The following CHRM2 variants were observed in gnomAD, a reference collection of about 807,000 sequenced individuals.
The protein encoded by CHRM2 is cholinergic receptor muscarinic 2, also known as muscarinic acetylcholine receptor M2.
CHRM2 carries 8 observed loss-of-function variants against 25.0 expected under a neutral mutation model. The ratio of observed to expected loss-of-function variants is 0.32; its 90% CI spans 0.19 to 0.58. The LOEUF (loss-of-function observed/expected upper bound fraction) is 0.58. CHRM2 is among the 20% of genes least tolerant of loss of function. The pLI is 0.88. For synonymous variants in CHRM2, 202 were observed against 205.7 expected (o/e 0.98, Z 0.15); for missense variants, 440 against 567.1 (o/e 0.78, Z 2.28).
At chr7:136,902,907 C>T in intron 2 of CHRM2, 1 of 343,874 alleles carries the variant, frequency 2.9e-6, no homozygotes, top group South Asian at 2.4e-5. Context: ...TGATAAGGTA[C>T]ACATTATTTG....
intron 2 of CHRM2, among the ~76,000 whole-genome samples, chr7:136,988,332 G>A (rs936120609): frequency 6.6e-6 from 1 of 151,944 alleles, no homozygotes; most frequent in African/African-American, 2.4e-5. Flanking sequence ...GGAAAAAGCT[G>A]CAGGACAGAA....
At chr7:136,892,859 G>A (rs565516447) in intron 2 of CHRM2, among the ~76,000 whole-genome samples, 12 of 151,834 alleles carry the variant, frequency 7.9e-5, no homozygotes, top group South Asian at 2.1e-4. Flanking sequence ...TAGGAGAGAC[G>A]GGATTTCACC....
intron 2 of CHRM2, among the ~76,000 whole-genome samples, chr7:136,872,168 A>C (rs531712784): frequency 6.6e-6 from 1 of 152,252 alleles, no homozygotes; most frequent in South Asian, 2.1e-4. Context: ...AAGATGCTTC[A>C]TTTTCCTATA....
chr7:136,977,996 A>C (rs1306818526), intron 2 of CHRM2, among the ~76,000 whole-genome samples: 2 of 151,896 alleles, frequency 1.3e-5, no homozygotes, highest in Non-Finnish European at 2.9e-5. Context: ...TACTGCATAG[A>C]GAGCCCTTTA....
chr7:136,922,060 C>G (rs893014454), intron 2 of CHRM2, among the ~76,000 whole-genome samples: 3 of 152,174 alleles, frequency 2.0e-5, no homozygotes, highest in Non-Finnish European at 4.4e-5. Context: ...AGCCACTGTG[C>G]CCACCCCATT....
In CHRM2 at chr7:136,969,018, T is replaced by A. The variant is rs563886093; in HGVS notation, c.-124-23169T>A. On this transcript the variant is annotated intron_variant, in intron 2 of 3. Transcript: ENST00000680005. ...TGTGTGAATACTGTATTCAGTTCTA[T>A]GCATAATAATATAGAAACTAAATCA... Among the ~76,000 whole-genome samples, 12 of 152,154 alleles carry A rather than the reference T, an allele frequency of 7.9e-5. No homozygotes were observed. In the East Asian group the frequency reaches 2.1e-3, roughly 27 times the overall value.
Position 136,876,335 on chromosome 7 carries a change from C to A in CHRM2, c.-125+6917C>A, listed in dbSNP as rs796707643. ...TAGAACTTGTTAGGGATACAGATGA[C>A]GTGAGAATAGAGGCCATATTTTATA... On this transcript the variant is annotated intron_variant, in intron 2 of 3. Coordinates refer to ENST00000680005, the MANE Select transcript of CHRM2 (RefSeq NM_001006630.2). Among the ~76,000 whole-genome samples, 80 of 152,080 alleles carry A rather than the reference C, an allele frequency of 5.3e-4. 1 individual carries two copies. The highest frequency in any genetic ancestry group is 1.9e-3 in the African/African-American group (77 of 41,498).
chr7:136,944,956 G>T (rs1430402640), intron 2 of CHRM2, among the ~76,000 whole-genome samples: 1 of 151,994 alleles, frequency 6.6e-6, no homozygotes, highest in Non-Finnish European at 1.5e-5. Context: ...CAGGAGTAAG[G>T]TGGTATTGCA....
At chr7:136,893,765 T>C (rs944840357) in intron 2 of CHRM2, among the ~76,000 whole-genome samples, 1 of 152,188 alleles carries the variant, frequency 6.6e-6, no homozygotes, top group African/African-American at 2.4e-5. Flanking sequence ...ACCACCTTTT[T>C]ACATGAGCAA....
At chr7:136,997,508 CAA>C (rs1803686220) in intron 3 of CHRM2, among the ~76,000 whole-genome samples, 1 of 152,020 alleles carries the variant, frequency 6.6e-6, no homozygotes, top group Non-Finnish European at 1.5e-5. Context: ...TTTTAATGTC[CAA>C]ACGCAGATGA....
intron 2 of CHRM2, among the ~76,000 whole-genome samples, chr7:136,921,965 C>T (rs903576223): frequency 1.3e-5 from 2 of 151,884 alleles, no homozygotes; most frequent in African/African-American, 4.8e-5. Flanking sequence ...CAGGGTTTTG[C>T]CATGCTGGCC....
chr7:136,938,132 C>T, intron 2 of CHRM2: 1 of 629,766 alleles, frequency 1.6e-6, no homozygotes, highest in Non-Finnish European at 2.9e-6. Context: ...TGGCACTTGT[C>T]TCCTCTTCTT....
rs142451955 is a variant in CHRM2, at chr7:136,998,769, T to C, written c.-47+6505T>C. On this transcript the variant is annotated intron_variant, in intron 3 of 3. Coordinates refer to ENST00000680005, the MANE Select transcript of CHRM2 (RefSeq NM_001006630.2). ...TGTGTCTACTGTCAATTTGCTTGAG[T>C]TCCTGAAAAAGGCATCATCTTGCAA... Among the ~76,000 whole-genome samples the C allele has an allele frequency of 3.3e-3, 508 of 152,196 alleles. 2 individuals carry two copies. Among genetic ancestry groups the C allele is most frequent in the African/African-American group, 0.011 (473 of 41,502 alleles).
At position 136,906,295 on chromosome 7, in the gene CHRM2, ATGTG is replaced by A. The variant is rs371351666; in HGVS notation, c.-125+36883_-125+36886del. On this transcript the variant is annotated intron_variant, in intron 2 of 3. Transcript: ENST00000680005. ...ATTAAAAATATTGGAATAAAAACAA[ATGTG>A]TGTGTATGTATGTGTGCGCACACAT... is the stretch of plus-strand genomic sequence containing the variant. 6.9e-4 allele frequency among the ~76,000 whole-genome samples: 104 copies of A among 150,962 alleles called. 1 individual carries two copies. In the Middle Eastern group the frequency reaches 0.014, roughly 20 times the overall value.
chr7:136,946,037 T>C lies in CHRM2; in HGVS notation c.-124-46150T>C, dbSNP rs150603668. Among the ~76,000 whole-genome samples the C allele has an allele frequency of 1.4e-4, 22 of 152,232 alleles. 1 individual carries two copies. The East Asian group carries it at 3.3e-3, about 23-fold the overall frequency. ...ACTAGGGACTGCCAGGCAGAGATTC[T>C]TGTCCCGGCTTTGCTCCTAGCTAAA... is the stretch of plus-strand genomic sequence containing the variant. On this transcript the variant is annotated intron_variant, in intron 2 of 3. Transcript: ENST00000680005.
intron 2 of CHRM2, chr7:136,903,439 T>C (rs1009656723): frequency 3.8e-6 from 1 of 266,646 alleles, no homozygotes; most frequent in Non-Finnish European, 7.4e-6. Context: ...TTTGTGGATA[T>C]TGTTAGAGCT....
At chr7:136,955,725 A>G (rs1800685993) in intron 2 of CHRM2, among the ~76,000 whole-genome samples, 1 of 152,186 alleles carries the variant, frequency 6.6e-6, no homozygotes, top group Non-Finnish European at 1.5e-5. Context: ...ATCTTCACAC[A>G]TTTAAGTCTG....
intron 2 of CHRM2, among the ~76,000 whole-genome samples, chr7:136,958,423 T>C (rs1039339631): frequency 1.3e-5 from 2 of 151,932 alleles, no homozygotes; most frequent in African/African-American, 4.8e-5. Context: ...CTTACATCTA[T>C]TGTAAAATGA....
chr7:136,919,887 A>C (rs534646964), intron 2 of CHRM2, among the ~76,000 whole-genome samples: 1 of 152,110 alleles, frequency 6.6e-6, no homozygotes, highest in Admixed American at 6.6e-5. Flanking sequence ...CAAAGTGGTC[A>C]TTGACCTTCG....
Sources: gnomAD v4.1 joint callset for allele counts (sites outside exome capture counted in the v4.1 genomes callset) on GRCh38, gnomAD v4.1.1 for gene constraint, MANE v1.5 for transcripts, NCBI Gene and HGNC (gene_info 2026-07-23, HGNC 2026-07-21) for gene names.